Variants in CAPRIN1 observed in about 807,000 individuals in gnomAD.
CAPRIN1 encodes the protein caprin-1.
CAPRIN1 carries 29 observed loss-of-function variants against 100.9 expected under a neutral mutation model. The ratio of observed to expected loss-of-function variants is 0.29; its 90% CI spans 0.21 to 0.39. The LOEUF is 0.39. Among genes scored for constraint, CAPRIN1 ranks in the 10% least tolerant of loss-of-function variants. The pLI is 1.00. For synonymous variants in CAPRIN1, 338 were observed against 307.5 expected (o/e 1.10, Z -1.04); for missense variants, 795 against 876.7 (o/e 0.91, Z 1.18).
At chr11:34,077,483 A>G (rs780726195) in intron 6 of CAPRIN1, among the ~76,000 whole-genome samples, 1 of 152,164 alleles carries the variant, frequency 6.6e-6, no homozygotes, top group African/African-American at 2.4e-5. Context: ...TGAGCTCCTT[A>G]TTCTCAAACA....
At chr11:34,064,639 TAGTG>T (rs1170526471) in intron 2 of CAPRIN1, among the ~76,000 whole-genome samples, 1 of 152,326 alleles carries the variant, frequency 6.6e-6, no homozygotes, top group East Asian at 1.9e-4. Context: ...TTTCTGTTTA[TAGTG>T]TACATTTTGG....
chr11:34,060,214 A>C (rs1850547940), intron 2 of CAPRIN1, among the ~76,000 whole-genome samples: 1 of 151,588 alleles, frequency 6.6e-6, no homozygotes, highest in South Asian at 2.1e-4. Flanking sequence ...AAAAAAAAAA[A>C]AAAAGCTGGG....
intron 4 of CAPRIN1, among the ~76,000 whole-genome samples, chr11:34,073,718 C>T (rs1329640903): frequency 6.6e-6 from 1 of 152,106 alleles, no homozygotes; most frequent in South Asian, 2.1e-4. Context: ...AGCCAACGTG[C>T]CTAGCTTCAA....
At chr11:34,052,235 C>G in intron 1 of CAPRIN1, 186 bp from the exon 2 acceptor site, 1 of 206,680 alleles carries the variant, frequency 4.8e-6, no homozygotes, top group Non-Finnish European at 8.3e-6. Context: ...GGGCGCCCCG[C>G]TGGCGGGTCG....
At chr11:34,076,151 T>C (rs1850902562) in intron 4 of CAPRIN1, 85 bp from the exon 5 acceptor site, 4 of 877,470 alleles carry the variant, frequency 4.6e-6, no homozygotes, top group South Asian at 1.6e-5. Context: ...GAGTAAAACA[T>C]GTTTTATTTA....
In CAPRIN1 at chr11:34,053,180, C is replaced by T. The variant is rs150657199; in HGVS notation, c.216+544C>T. The T allele has an allele frequency of 4.5e-4, 448 of 985,592 alleles. 1 individual carries two copies. The African/African-American group carries it at 6.8e-3, about 15-fold the overall frequency. The allele number at this position is 985,592 out of a possible 1,614,324, so 61.1% of individuals were successfully genotyped here. A position where few individuals can be genotyped will look rare whatever the true frequency, so the allele number is the denominator to read the frequency against. Reference sequence around the variant, plus strand: ...CGTAGGAGAGAAGTGTGTTTAGAATCTTAAGGTAGAACTGCCTTTCCGGCA... The same window carrying T: ...CGTAGGAGAGAAGTGTGTTTAGAATTTTAAGGTAGAACTGCCTTTCCGGCA... On this transcript the variant is annotated intron_variant, in intron 2 of 18. Coordinates refer to ENST00000341394, the MANE Select transcript of CAPRIN1 (RefSeq NM_005898.5).
At chr11:34,082,162 T>A (rs2134118806) in intron 7 of CAPRIN1, among the ~76,000 whole-genome samples, 1 of 152,318 alleles carries the variant, frequency 6.6e-6, no homozygotes, top group Non-Finnish European at 1.5e-5. Context: ...ATGGCATCAT[T>A]TCTAAAAATA....
intron 2 of CAPRIN1, among the ~76,000 whole-genome samples, chr11:34,062,756 C>G (rs1850607986): frequency 6.6e-6 from 1 of 151,924 alleles, no homozygotes; most frequent in African/African-American, 2.4e-5. Context: ...TAAAGTATAG[C>G]TAGGTGCTCT....
intron 14 of CAPRIN1, among the ~76,000 whole-genome samples, chr11:34,091,427 C>T (rs192517268): frequency 8.1e-4 from 123 of 152,248 alleles, no homozygotes; most frequent in African/African-American, 2.5e-3. Flanking sequence ...GCTGACACTC[C>T]AGGCATAAGC....
intron 2 of CAPRIN1, among the ~76,000 whole-genome samples, chr11:34,053,997 G>A (rs73497030): frequency 0.1 from 15,552 of 152,222 alleles, 866 homozygotes; most frequent in African/African-American, 0.15. Context: ...GTGTTTATGT[G>A]GCCAGACACC....
chr11:34,082,053 C>T (rs533336078), intron 7 of CAPRIN1, among the ~76,000 whole-genome samples: 1 of 152,312 alleles, frequency 6.6e-6, no homozygotes, highest in South Asian at 2.1e-4. Flanking sequence ...CTCAGGTGAT[C>T]CCCCAACCTC....
In CAPRIN1 at chr11:34,090,216, C is replaced by A; in HGVS notation, c.1331C>A (p.Ala444Glu). ...TCATCCACAAGTGAGGGGTACACAG[C>A]ATCTCAACCCTTGTACCAGCCTTCT... ...LVSSTSEGYT[A>E]SQPLYQPSHA... The change falls in exon 13 of 19, where the codon GCA (alanine) becomes GAA (glutamate). Residue 444 changes from alanine (A) to glutamate (E), a missense_variant. By Grantham distance (107) the Ala-to-Glu change is moderately radical (BLOSUM62 -1). Transcript: ENST00000341394. 6.2e-7 allele frequency: 1 copy of A among 1,613,636 alleles called. No homozygotes were observed. The highest frequency in any genetic ancestry group is 2.2e-5 in the East Asian group (1 of 44,872).
intron 2 of CAPRIN1, among the ~76,000 whole-genome samples, chr11:34,064,604 A>T (rs754828758): frequency 5.3e-4 from 81 of 152,342 alleles, no homozygotes; most frequent in Admixed American, 3.1e-3. Flanking sequence ...AAAAGTAAAA[A>T]ATTAGACCAA....
At chr11:34,053,531 G>A (rs1004640075) in intron 2 of CAPRIN1, 1 of 151,882 alleles carries the variant, frequency 6.6e-6, no homozygotes, top group African/African-American at 2.4e-5. Flanking sequence ...TGAGCACAAA[G>A]CGAAAGCAGA....
At chr11:34,091,086 G>A (rs1851254410) in intron 14 of CAPRIN1, among the ~76,000 whole-genome samples, 1 of 152,090 alleles carries the variant, frequency 6.6e-6, no homozygotes, top group Admixed American at 6.5e-5. Context: ...TCTTGAGCAA[G>A]CACCTTTAGA....
intron 6 of CAPRIN1, among the ~76,000 whole-genome samples, chr11:34,077,377 A>C (rs1850929032): frequency 6.6e-6 from 1 of 152,142 alleles, no homozygotes; most frequent in African/African-American, 2.4e-5. Context: ...TTATTGCCTT[A>C]GTTTTTCTTT....
chr11:34,091,961 A>G lies in CAPRIN1; in HGVS notation c.1610A>G (p.Gln537Arg), dbSNP rs778814761. Residue 537 changes from glutamine to arginine, a missense_variant, in exon 15 of 19, where the codon CAG becomes CGG. Gln to Arg is a conservative substitution (Grantham distance 43). Transcript: ENST00000341394. The stretch of plus-strand genomic sequence containing the variant: ...GTTAATGAACCAGAAACTTTAAAAC[A>G]GCAAAATCAGTACCAGGCCAGTTAT... ...PPVNEPETLK[Q>R]QNQYQASYNQ... 1.2e-6 allele frequency: 2 copies of G among 1,614,098 alleles called. No individual in the cohort carries two copies. The highest frequency in any genetic ancestry group is 1.7e-5 in the Admixed American group (1 of 60,010).
intron 2 of CAPRIN1, among the ~76,000 whole-genome samples, chr11:34,062,150 T>G (rs183530258): frequency 2.3e-4 from 35 of 152,308 alleles, no homozygotes; most frequent in Admixed American, 2.3e-3. Context: ...AGGAAACTTT[T>G]GCTTACTATC....
intron 2 of CAPRIN1, chr11:34,053,579 C>CTA (rs1389709858): frequency 6.8e-6 from 1 of 146,290 alleles, no homozygotes; most frequent in Non-Finnish European, 1.5e-5. Context: ...CCCGACTGGC[C>CTA]TCCTTAGGCC....
Sources: allele counts gnomAD v4.1 joint callset (sites outside exome capture counted in the v4.1 genomes callset), GRCh38; gene constraint gnomAD v4.1.1; transcripts MANE v1.5; gene names NCBI Gene and HGNC (gene_info 2026-07-23, HGNC 2026-07-21).